EPM2AIP1: variants seen among roughly 807,000 people sequenced by gnomAD.
EPM2AIP1 encodes the protein EPM2A interacting protein 1, also known as EPM2A-interacting protein 1.
Under a neutral mutation model 44.8 loss-of-function variants are expected in EPM2AIP1, and 23 were observed. The ratio of observed to expected loss-of-function variants is 0.51; its 90% CI spans 0.37 to 0.73. The LOEUF is 0.73. Ranked by LOEUF, EPM2AIP1 falls within the 30% of genes least tolerant of loss-of-function variation. The pLI is 0.00. For missense variants in EPM2AIP1, 652 were observed against 743.9 expected (o/e 0.88, Z 1.44); for synonymous variants, 311 against 284.3 (o/e 1.09, Z -0.94).
Position 36,988,691 on chromosome 3 carries a change from T to G in EPM2AIP1, c.*2563A>C, listed in dbSNP as rs568675464. The stretch of plus-strand genomic sequence containing the variant: ...TCTCCTCAAAGCTAAAGTCATCAAG[T>G]GTTCAAGTGTTTCAAGGAGGGTAAG... On this transcript the variant is annotated 3_prime_UTR_variant, in exon 1 of 1. Coordinates refer to ENST00000322716, the MANE Select transcript of EPM2AIP1 (RefSeq NM_014805.4). The G allele has an allele frequency of 6.6e-6, 1 of 152,206 alleles. No individual in the cohort carries two copies. Among genetic ancestry groups the G allele is most frequent in the African/African-American group, 2.4e-5 (1 of 41,540 alleles). The allele number at this position is 152,206 out of a possible 1,614,324, so 9.4% of individuals were successfully genotyped here.
chr3:36,992,537 C>T lies in EPM2AIP1; in HGVS notation c.541G>A (p.Asp181Asn), dbSNP rs1209646369. 6.2e-7 allele frequency: 1 copy of T among 1,613,992 alleles called. No homozygotes were observed. The highest frequency in any genetic ancestry group is 8.5e-7 in the Non-Finnish European group (1 of 1,179,884). ...TTCTCATAGGCCACAAAAGCCTGGT[C>T]GTCCAAGGCAAGAGAATAGGCTTTA... is the stretch of plus-strand genomic sequence containing the variant. ...DFKAYSLALDDQAFVAYENYL... is the reference protein window; with the variant it reads ...DFKAYSLALDNQAFVAYENYL... Residue 181 changes from aspartate to asparagine, a missense_variant, in exon 1 of 1, where the codon GAC becomes AAC. Asp to Asn is a conservative substitution (Grantham distance 23, BLOSUM62 1). Transcript: ENST00000322716. This position sits in a 1 kb window ranked among gnomAD's most constrained non-coding sequence, Gnocchi z 5.3.
At position 36,987,365 on chromosome 3, in the gene EPM2AIP1, T is replaced by C. The variant is rs1385801470; in HGVS notation, c.*3889A>G. ...AAATGTAACATTTAGTAAAAACATA[T>C]TGTTTTAGTTCACTAAGTAGTTGTC... On this transcript the variant is annotated 3_prime_UTR_variant, in exon 1 of 1. Transcript: ENST00000322716. The C allele has an allele frequency of 6.6e-6, 1 of 151,950 alleles. No individual in the cohort carries two copies. Among genetic ancestry groups the C allele is most frequent in the Non-Finnish European group, 1.5e-5 (1 of 67,886 alleles). 9.4% of individuals were successfully genotyped at this position (151,950 alleles called of 1,614,324 possible).
Position 36,991,670 on chromosome 3 carries a change from C to T in EPM2AIP1, c.1408G>A (p.Glu470Lys). 1 of 1,612,442 alleles carries T rather than the reference C, an allele frequency of 6.2e-7. No homozygotes were observed. Residue 470 changes from glutamate to lysine, a missense_variant, in exon 1 of 1, where the codon GAA (glutamate) becomes AAA (lysine). By Grantham distance (56) the Glu-to-Lys change is moderately conservative. Transcript: ENST00000322716. Reference protein sequence around the residue: ...YQMVICRLQKEFERHFKDLRF... With the variant: ...YQMVICRLQKKFERHFKDLRF... ...AGGTCCTTAAAATGTCTCTCAAATT[C>T]TTTTTGGAGACGACAGATCACCATT... is the stretch of plus-strand genomic sequence containing the variant.
rs1363886017 is a variant in EPM2AIP1 at position 36,985,933 on chromosome 3, T to G, written c.*5321A>C. 1 of 152,252 alleles carries G rather than the reference T, an allele frequency of 6.6e-6. No homozygotes were observed. Among genetic ancestry groups the G allele is most frequent in the African/African-American group, 2.4e-5 (1 of 41,464 alleles). The allele number at this position is 152,252 out of a possible 1,614,324, so 9.4% of individuals were successfully genotyped here. ...CAGATTTTGCCCATGGACCATAGTTTGATCATGGCCAACCTATGATCTAAA... is the reference window on the plus strand; with the variant it reads ...CAGATTTTGCCCATGGACCATAGTTGGATCATGGCCAACCTATGATCTAAA... On this transcript the variant is annotated 3_prime_UTR_variant, in exon 1 of 1. Coordinates refer to ENST00000322716, the MANE Select transcript of EPM2AIP1 (RefSeq NM_014805.4).
Position 36,991,938 on chromosome 3 carries a change from G to A in EPM2AIP1, c.1140C>T (p.Asp380=), listed in dbSNP as rs1429823677. 5 of 1,613,946 alleles carry A rather than the reference G, an allele frequency of 3.1e-6. No individual in the cohort carries two copies. Among genetic ancestry groups the A allele is most frequent in the Non-Finnish European group, 4.2e-6 (5 of 1,179,874 alleles). ...CCATAATGTCCACCAAGAAGCCAAA[G>A]TCACAAAGCCATTGTTTGTCTGAGA... ...VHFSDKQWLC[D]FGFLVDIMEH... is the part of the protein sequence containing the mutation. Residue 380 remains aspartate, a synonymous_variant, in exon 1 of 1, where the codon GAC becomes GAT. Coordinates refer to ENST00000322716, the MANE Select transcript of EPM2AIP1 (RefSeq NM_014805.4).
rs762485587 is a variant in EPM2AIP1, at chr3:36,991,511, T to C, written c.1567A>G (p.Lys523Glu). ...CCAGCATAAAACTGCCCCAAGTCTT[T>C]GATTCTGTATTCATTCCAAAGATTA... The part of the protein sequence containing the change: ...NTNLWNEYRI[K>E]DLGQFYAGLS... Residue 523 changes from lysine (K) to glutamate (E), a missense_variant, in exon 1 of 1, where the codon AAA becomes GAA. By Grantham distance (56) the Lys-to-Glu change is moderately conservative. Transcript: ENST00000322716. 1 of 1,613,870 alleles carries C rather than the reference T, an allele frequency of 6.2e-7. No individual in the cohort carries two copies. The highest frequency in any genetic ancestry group is 1.7e-5 in the Admixed American group (1 of 60,008).
rs1485366036 is a variant in EPM2AIP1, at chr3:36,989,067, C to G, written c.*2187G>C. ...CTAAGGGTCAATTTAAAATCCTTGG[C>G]TTATATCTCCCCCTCACTCAATGAC... On this transcript the variant is annotated 3_prime_UTR_variant, in exon 1 of 1. Coordinates refer to ENST00000322716, the MANE Select transcript of EPM2AIP1 (RefSeq NM_014805.4). 2 of 145,648 alleles carry G rather than the reference C, an allele frequency of 1.4e-5. No homozygotes were observed. The highest frequency in any genetic ancestry group is 3.0e-5 in the Non-Finnish European group (2 of 67,136). 9.0% of individuals were successfully genotyped at this position (145,648 alleles called of 1,614,324 possible).
chr3:36,991,487 CA>C lies in EPM2AIP1; in HGVS notation c.1590del (p.Gly531AspfsTer34). On this transcript the variant is annotated frameshift_variant, in exon 1 of 1. Coordinates refer to ENST00000322716, the MANE Select transcript of EPM2AIP1 (RefSeq NM_014805.4). LOFTEE classifies it high-confidence loss of function. ...ATTGGGTAGGATTCAGCAGACAATC[CA>C]GCATAAAACTGCCCCAAGTCTTTGA... Reference protein sequence around the residue: ...YRIKDLGQFYAGLSAESYPII... With the variant: ...YRIKDLGQFYXGLSAESYPII... 1 of 1,613,874 alleles carries C rather than the reference CA, an allele frequency of 6.2e-7. No homozygotes were observed. The highest frequency in any genetic ancestry group is 2.2e-5 in the East Asian group (1 of 44,878).
Position 36,988,363 on chromosome 3 carries a change from CAA to C in EPM2AIP1, c.*2889_*2890del, listed in dbSNP as rs778301392. ...GTTGGTAGTGGTAATGCCATTTAGT[CAA>C]AGAGGAAACATGAGAGGAGGAGCAG... On this transcript the variant is annotated 3_prime_UTR_variant, in exon 1 of 1. Coordinates refer to ENST00000322716, the MANE Select transcript of EPM2AIP1 (RefSeq NM_014805.4). 8.6e-5 allele frequency: 13 copies of C among 152,012 alleles called. No individual in the cohort carries two copies. The highest frequency in any genetic ancestry group is 1.5e-4 in the Non-Finnish European group (10 of 68,038). The allele number at this position is 152,012 out of a possible 1,614,324, so 9.4% of individuals were successfully genotyped here.
rs1265539193 is a variant in EPM2AIP1, at chr3:36,985,149, T to C, written c.*6105A>G. Reference sequence around the variant, plus strand: ...GTGATGTAGTCACACAATGGAATACTACACAGAAGTAAAACATGAACTGCT... The same window carrying C: ...GTGATGTAGTCACACAATGGAATACCACACAGAAGTAAAACATGAACTGCT... On this transcript the variant is annotated 3_prime_UTR_variant, in exon 1 of 1. Transcript: ENST00000322716. 3 of 152,218 alleles carry C rather than the reference T, an allele frequency of 2.0e-5. No individual in the cohort carries two copies. The highest frequency in any genetic ancestry group is 6.5e-5 in the Admixed American group (1 of 15,292). The allele number at this position is 152,218 out of a possible 1,614,324, so 9.4% of individuals were successfully genotyped here. A position where few individuals can be genotyped will look rare whatever the true frequency, so the allele number is the denominator to read the frequency against.
rs754310556 is a variant in EPM2AIP1, at chr3:36,992,646, G to T, written c.432C>A (p.Asp144Glu). 1 of 1,614,026 alleles carries T rather than the reference G, an allele frequency of 6.2e-7. No individual in the cohort carries two copies. The highest frequency in any genetic ancestry group is 8.5e-7 in the Non-Finnish European group (1 of 1,179,908). Residue 144 changes from aspartate (D) to glutamate (E), a missense_variant, in exon 1 of 1, where the codon GAC becomes GAA. Transcript: ENST00000322716. This position sits in a 1 kb window ranked among gnomAD's most constrained non-coding sequence, Gnocchi z 5.3. The part of the protein sequence containing the change: ...PEHVSVLQGV[D>E]LSPDITRQRI... ...TCTGCCTTGTGATATCTGGAGATAA[G>T]TCAACGCCTTGCAGGACGCTTACAT...
rs1212998327 is a variant in EPM2AIP1 at position 36,988,213 on chromosome 3, T to C, written c.*3041A>G. ...GTCTTTTGGAGCAATTTGGTTGTAG[T>C]GTAGAAAGGAATAAAAATAAAAAAC... On this transcript the variant is annotated 3_prime_UTR_variant, in exon 1 of 1. Coordinates refer to ENST00000322716, the MANE Select transcript of EPM2AIP1 (RefSeq NM_014805.4). 2 of 152,122 alleles carry C rather than the reference T, an allele frequency of 1.3e-5. No homozygotes were observed. Among genetic ancestry groups the C allele is most frequent in the Non-Finnish European group, 2.9e-5 (2 of 68,024 alleles). 9.4% of individuals were successfully genotyped at this position (152,122 alleles called of 1,614,324 possible). A position where few individuals can be genotyped will look rare whatever the true frequency, so the allele number is the denominator to read the frequency against.
In EPM2AIP1 at chr3:36,993,027, A is replaced by C. The variant is rs1460222052; in HGVS notation, c.51T>G (p.Val17=). 6.2e-7 allele frequency: 1 copy of C among 1,611,974 alleles called. No homozygotes were observed. Among genetic ancestry groups the C allele is most frequent in the South Asian group, 1.1e-5 (1 of 91,070 alleles). The change falls in exon 1 of 1, where the codon GTT becomes GTG. Residue 17 remains valine (V), a synonymous_variant. Coordinates refer to ENST00000322716, the MANE Select transcript of EPM2AIP1 (RefSeq NM_014805.4). ...RSKMEVDEAL[V]FRPEWTQRYL... ...AACGCTGGGTCCACTCGGGCCGGAA[A>C]ACTAGAGCCTCGTCGACTTCCATCT... is the stretch of plus-strand genomic sequence containing the variant.
chr3:36,990,877 T>G lies in EPM2AIP1; in HGVS notation c.*377A>C. On this transcript the variant is annotated 3_prime_UTR_variant, in exon 1 of 1. Coordinates refer to ENST00000322716, the MANE Select transcript of EPM2AIP1 (RefSeq NM_014805.4). ...ATTTAAGGAGTTGATAATTTAAGAC[T>G]ATATGAATCAGAATTTTAACACTCC... The G allele has an allele frequency of 5.0e-6, 5 of 994,096 alleles. No individual in the cohort carries two copies. Among genetic ancestry groups the G allele is most frequent in the Non-Finnish European group, 6.0e-6 (5 of 834,770 alleles). 61.6% of individuals were successfully genotyped at this position (994,096 alleles called of 1,614,324 possible).
chr3:36,988,360 A>C lies in EPM2AIP1; in HGVS notation c.*2894T>G, dbSNP rs2080781524. The C allele has an allele frequency of 1.3e-5, 2 of 152,224 alleles. No homozygotes were observed. The highest frequency in any genetic ancestry group is 2.9e-5 in the Non-Finnish European group (2 of 68,032). 9.4% of individuals were successfully genotyped at this position (152,224 alleles called of 1,614,324 possible). ...ATGGTTGGTAGTGGTAATGCCATTT[A>C]GTCAAAGAGGAAACATGAGAGGAGG... On this transcript the variant is annotated 3_prime_UTR_variant, in exon 1 of 1. Coordinates refer to ENST00000322716, the MANE Select transcript of EPM2AIP1 (RefSeq NM_014805.4).
Position 36,985,296 on chromosome 3 carries a change from G to A in EPM2AIP1, c.*5958C>T, listed in dbSNP as rs2080764260. On this transcript the variant is annotated 3_prime_UTR_variant, in exon 1 of 1. Transcript: ENST00000322716. The stretch of plus-strand genomic sequence containing the variant: ...GCAAAACTAATCCGTGGTGATAAAA[G>A]GGGTTGGTGGGGGCCTGGGGAACAT... 6.6e-6 allele frequency: 1 copy of A among 152,214 alleles called. No homozygotes were observed. Among genetic ancestry groups the A allele is most frequent in the Non-Finnish European group, 1.5e-5 (1 of 68,052 alleles). The allele number at this position is 152,214 out of a possible 1,614,324, so 9.4% of individuals were successfully genotyped here.
rs964738426 is a variant in EPM2AIP1, at chr3:36,990,959, C to G, written c.*295G>C. ...ATCTTCAGAACACCTAAAAAACAGACTGCAAATTCAACTCACATTAATACT... is the reference window on the plus strand; with the variant it reads ...ATCTTCAGAACACCTAAAAAACAGAGTGCAAATTCAACTCACATTAATACT... On this transcript the variant is annotated 3_prime_UTR_variant, in exon 1 of 1. Coordinates refer to ENST00000322716, the MANE Select transcript of EPM2AIP1 (RefSeq NM_014805.4). The G allele has an allele frequency of 1.4e-5, 15 of 1,050,116 alleles. No homozygotes were observed. The highest frequency in any genetic ancestry group is 1.4e-5 in the Non-Finnish European group (12 of 871,218). The allele number at this position is 1,050,116 out of a possible 1,614,324, so 65.0% of individuals were successfully genotyped here. A position where few individuals can be genotyped will look rare whatever the true frequency, so the allele number is the denominator to read the frequency against.
At position 36,991,112 on chromosome 3, in the gene EPM2AIP1, C is replaced by G; in HGVS notation, c.*142G>C. The G allele has an allele frequency of 7.4e-7, 1 of 1,352,634 alleles. No individual in the cohort carries two copies. The highest frequency in any genetic ancestry group is 9.5e-7 in the Non-Finnish European group (1 of 1,048,954). The allele number at this position is 1,352,634 out of a possible 1,614,324, so 83.8% of individuals were successfully genotyped here. On this transcript the variant is annotated 3_prime_UTR_variant, in exon 1 of 1. Transcript: ENST00000322716. ...TTGAGATGAAAAAAAAGGCAACTGT[C>G]AGAATTTTAATTGTGATCAGTTTGG...
Position 36,991,273 on chromosome 3 carries a change from CTT to C in EPM2AIP1, c.1803_1804del (p.Arg602LysfsTer2), listed in dbSNP as rs1349613640. ...AAAGCCTTATGGATTAGATTCATTT[CTT>C]TCTCTCACAAGGTCATCCCAACCGG... On this transcript the variant is annotated frameshift_variant, in exon 1 of 1. Transcript: ENST00000322716. LOFTEE classifies it high-confidence loss of function. 6.2e-7 allele frequency: 1 copy of C among 1,606,942 alleles called. No homozygotes were observed. Among genetic ancestry groups the C allele is most frequent in the African/African-American group, 1.3e-5 (1 of 74,554 alleles).
Sources: allele counts gnomAD v4.1 joint callset, GRCh38; gene constraint gnomAD v4.1.1; non-coding constraint Gnocchi (gnomAD v3.1); transcripts MANE v1.5; gene names NCBI Gene and HGNC (gene_info 2026-07-23, HGNC 2026-07-21).